MICU3: variants seen among roughly 807,000 people sequenced by gnomAD.
MICU3 encodes the protein calcium uptake protein 3, mitochondrial.
MICU3 carries 62 observed loss-of-function variants against 66.5 expected under a neutral mutation model. That is an observed-to-expected ratio of 0.93 (90% CI 0.76 to 1.15). The LOEUF (loss-of-function observed/expected upper bound fraction) is 1.15. Ranked by LOEUF, MICU3 falls within the 50% of genes most tolerant of loss-of-function variation. The probability of loss-of-function intolerance (pLI) is 0.00; values close to 1 mark genes in which losing one functional copy is unlikely to be tolerated. For synonymous variants in MICU3, 308 were observed against 240.7 expected, an observed-to-expected ratio of 1.28 and a Z score of -2.59; for missense variants, 779 against 664.4, an observed-to-expected ratio of 1.17 and a Z score of -1.90.
At chr8:17,116,977 A>AATTTT (rs1292848709) in intron 13 of MICU3, among the ~76,000 whole-genome samples, 1 of 151,966 alleles carries the variant, frequency 6.6e-6, no homozygotes, top group African/African-American at 2.4e-5. Flanking sequence ...ATTTTAATTT[A>AATTTT]ATTTTATTTA....
downstream of MICU3, among the ~76,000 whole-genome samples, chr8:17,126,748 A>G (rs948080980): frequency 1.3e-5 from 2 of 152,196 alleles, no homozygotes; most frequent in Non-Finnish European, 2.9e-5. Context: ...TGAAGTGGGA[A>G]GAGATGGTTT....
At chr8:17,029,225 C>T (rs1811579567) in intron 1 of MICU3, among the ~76,000 whole-genome samples, 1 of 152,182 alleles carries the variant, frequency 6.6e-6, no homozygotes, top group South Asian at 2.1e-4. Context: ...CCTGTAATCC[C>T]AGCACTTTGG....
chr8:17,041,637 C>A lies in MICU3; in HGVS notation c.381+13977C>A, dbSNP rs555499110. On this transcript the variant is annotated intron_variant, in intron 1 of 14. Coordinates refer to ENST00000318063, the MANE Select transcript of MICU3 (RefSeq NM_181723.3). ...GAAGACCCTCGATCGTGTTTAAATG[C>A]TGATGGAAAAAAGAAGATTAAATTT... 1.4e-4 allele frequency among the ~76,000 whole-genome samples: 21 copies of A among 150,826 alleles called. 1 individual carries two copies. The South Asian group carries it at 4.4e-3, about 32-fold the overall frequency.
intron 7 of MICU3, among the ~76,000 whole-genome samples, chr8:17,087,616 A>G (rs1799608758): frequency 2.0e-5 from 3 of 152,086 alleles, no homozygotes; most frequent in Non-Finnish European, 1.5e-5. Flanking sequence ...AAAATAACAA[A>G]CAGGTACTAA....
chr8:17,124,057 A>C (rs1803339665), downstream of MICU3, among the ~76,000 whole-genome samples: 3 of 151,000 alleles, frequency 2.0e-5, no homozygotes, highest in Admixed American at 1.3e-4. Context: ...TCAAGATAAT[A>C]TGTTTATATC....
In MICU3 at chr8:17,110,743, G is replaced by GA. The variant is rs201327162; in HGVS notation, c.1258-3350_1258-3349insA. ...TGTACCTGGCAATTTTTTTGGGGAG[G>GA]GGGGGGTAGAGACAGGGTTTTTTTT... On this transcript the variant is annotated intron_variant, in intron 11 of 14. Coordinates refer to ENST00000318063, the MANE Select transcript of MICU3 (RefSeq NM_181723.3). 4.1e-3 allele frequency among the ~76,000 whole-genome samples: 611 copies of GA among 147,694 alleles called. 2 individuals are homozygous for GA. The highest frequency in any genetic ancestry group is 0.014 in the African/African-American group (577 of 41,042).
chr8:17,069,810 ATGTATTTTT>A, intron 3 of MICU3, 91 bp downstream of exon 3: 1 of 412,764 alleles, frequency 2.4e-6, no homozygotes, highest in Non-Finnish European at 3.9e-6. Context: ...AAAATATATT[ATGTATTTTT>A]ATATATTTTA....
downstream of MICU3, among the ~76,000 whole-genome samples, chr8:17,125,764 C>T (rs1176565399): frequency 1.3e-5 from 2 of 151,976 alleles, no homozygotes; most frequent in African/African-American, 4.8e-5. Flanking sequence ...CAGGCACGAT[C>T]GCTCACACCT....
intron 9 of MICU3, among the ~76,000 whole-genome samples, chr8:17,101,709 T>A (rs961669939): frequency 5.3e-5 from 8 of 151,880 alleles, no homozygotes; most frequent in African/African-American, 9.7e-5. Context: ...ATTCACTAAC[T>A]TTTGGTGTTC....
chr8:17,074,176 G>A (rs1820036295), intron 3 of MICU3, among the ~76,000 whole-genome samples: 1 of 151,692 alleles, frequency 6.6e-6, no homozygotes. Flanking sequence ...GTGAGCTGCC[G>A]TGCCCAGCCT....
intron 1 of MICU3, among the ~76,000 whole-genome samples, chr8:17,062,158 A>G (rs372830332): frequency 1.3e-5 from 2 of 152,190 alleles, no homozygotes; most frequent in Admixed American, 6.5e-5. Flanking sequence ...CTGCCCAGGA[A>G]GATTATGGCC....
chr8:17,038,746 G>A (rs1813497577), intron 1 of MICU3, among the ~76,000 whole-genome samples: 1 of 152,108 alleles, frequency 6.6e-6, no homozygotes, highest in Non-Finnish European at 1.5e-5. Flanking sequence ...GAGGTCAGGA[G>A]ATTGATACCA....
At chr8:17,031,302 T>A (rs1812022350) in intron 1 of MICU3, among the ~76,000 whole-genome samples, 1 of 149,086 alleles carries the variant, frequency 6.7e-6, no homozygotes, top group African/African-American at 2.5e-5. Flanking sequence ...ATTATTATTA[T>A]TTTGAGACAT....
chr8:17,078,043 A>T (rs1308388011), intron 4 of MICU3, among the ~76,000 whole-genome samples, 182 bp downstream of exon 4: 2 of 151,992 alleles, frequency 1.3e-5, no homozygotes, highest in Admixed American at 6.6e-5. Context: ...CTCTTGGGTA[A>T]TTCCACCCTT....
intron 8 of MICU3, 50 bp downstream of exon 8, chr8:17,090,634 A>G (rs750235586): frequency 2.2e-6 from 3 of 1,356,678 alleles, no homozygotes; most frequent in Admixed American, 2.2e-5. Flanking sequence ...CTCACCTGTT[A>G]TACTTGATAA....
chr8:17,116,131 G>C (rs1233101340), intron 12 of MICU3, among the ~76,000 whole-genome samples: 3 of 152,156 alleles, frequency 2.0e-5, no homozygotes, highest in African/African-American at 7.2e-5. Flanking sequence ...TTTCCCATCT[G>C]AACCGTAAGT....
chr8:17,137,950 T>A, the MICU3 span, among the ~76,000 whole-genome samples: 1 of 151,804 alleles, frequency 6.6e-6, no homozygotes, highest in Non-Finnish European at 1.5e-5. Flanking sequence ...CTCTTGACTT[T>A]GTGATCCGCC....
intron 3 of MICU3, among the ~76,000 whole-genome samples, chr8:17,071,176 A>G (rs950126421): frequency 6.6e-6 from 1 of 152,208 alleles, no homozygotes; most frequent in Non-Finnish European, 1.5e-5. Context: ...CAACTGTTCC[A>G]TAGCATTTTA....
At chr8:17,069,768 A>G (rs370506546) in intron 3 of MICU3, 49 bp downstream of exon 3, 7 of 588,618 alleles carry the variant, frequency 1.2e-5, no homozygotes, top group Non-Finnish European at 1.1e-5. Flanking sequence ...ATGTGCATGC[A>G]TATATACATA....
Sources: gnomAD v4.1 joint callset for allele counts (sites outside exome capture counted in the v4.1 genomes callset) on GRCh38, gnomAD v4.1.1 for gene constraint, MANE v1.5 for transcripts, NCBI Gene and HGNC (gene_info 2026-07-23, HGNC 2026-07-21) for gene names.